ERC2: variants seen among roughly 807,000 people sequenced by gnomAD.
The protein encoded by ERC2 is ERC protein 2.
Under a neutral mutation model 114.8 loss-of-function variants are expected in ERC2, and 42 were observed. That is an observed-to-expected ratio of 0.37 (90% CI 0.29 to 0.47). The LOEUF (loss-of-function observed/expected upper bound fraction) is 0.47, where lower values mean the gene tolerates loss of function less well. Ranked by LOEUF, ERC2 falls within the 20% of genes least tolerant of loss-of-function variation. The pLI is 0.99. For missense variants in ERC2, 939 were observed against 1,150.7 expected (o/e 0.82, Z 2.66); for synonymous variants, 454 against 425.5 (o/e 1.07, Z -0.82).
chr3:55,775,664 A>G (rs1448980991), intron 14 of ERC2, among the ~76,000 whole-genome samples: 2 of 152,182 alleles, frequency 1.3e-5, no homozygotes, highest in Non-Finnish European at 2.9e-5. Context: ...GAGATAGATA[A>G]TATGAACAAA....
chr3:56,145,985 C>T (rs903683867), intron 5 of ERC2, among the ~76,000 whole-genome samples: 2 of 152,100 alleles, frequency 1.3e-5, no homozygotes, highest in South Asian at 2.1e-4. Context: ...GAATCACACT[C>T]ATCACTCAAA....
chr3:55,748,379 G>A (rs1181459219), intron 14 of ERC2, among the ~76,000 whole-genome samples: 3 of 152,088 alleles, frequency 2.0e-5, no homozygotes, highest in Non-Finnish European at 2.9e-5. Flanking sequence ...TGTGTACCAC[G>A]TACCAGGGAT....
At chr3:55,958,719 C>A (rs79705321) in intron 12 of ERC2, among the ~76,000 whole-genome samples, 10 of 152,230 alleles carry the variant, frequency 6.6e-5, no homozygotes, top group Admixed American at 2.0e-4. Flanking sequence ...CCTGAGCATG[C>A]GCGCACCTGG....
At chr3:56,133,327 G>C (rs1472362168) in intron 6 of ERC2, among the ~76,000 whole-genome samples, 1 of 151,976 alleles carries the variant, frequency 6.6e-6, no homozygotes, top group Non-Finnish European at 1.5e-5. Context: ...ATCCCAGTTA[G>C]TTGGGAGGCT....
chr3:56,319,410 G>A (rs192381783), intron 2 of ERC2, among the ~76,000 whole-genome samples: 60 of 152,092 alleles, frequency 3.9e-4, no homozygotes, highest in African/African-American at 1.3e-3. Context: ...CAAACATTAC[G>A]TGATTCCACT....
At chr3:56,396,937 A>G (rs2060330105) in intron 2 of ERC2, among the ~76,000 whole-genome samples, 3 of 151,730 alleles carry the variant, frequency 2.0e-5, no homozygotes, top group Non-Finnish European at 2.9e-5. Context: ...TCCTTTCTCT[A>G]CTCTCAAACT....
At chr3:56,319,331 G>C (rs1359808441) in intron 2 of ERC2, among the ~76,000 whole-genome samples, 1 of 151,642 alleles carries the variant, frequency 6.6e-6, no homozygotes, top group Admixed American at 6.6e-5. Flanking sequence ...AGAAAATTCT[G>C]CCATATGCCA....
At chr3:56,414,804 C>A (rs914568684) in intron 2 of ERC2, among the ~76,000 whole-genome samples, 2 of 152,084 alleles carry the variant, frequency 1.3e-5, no homozygotes, top group South Asian at 2.1e-4. Flanking sequence ...GTCTCTCCCC[C>A]CAGGTACAGA....
chr3:55,827,126 A>G (rs2060356642), intron 14 of ERC2, among the ~76,000 whole-genome samples: 1 of 152,198 alleles, frequency 6.6e-6, no homozygotes, highest in South Asian at 2.1e-4. Flanking sequence ...AGTAAGGAGC[A>G]TTCTTTCGGT....
intron 2 of ERC2, among the ~76,000 whole-genome samples, chr3:56,430,719 G>A (rs1415621517): frequency 1.3e-5 from 2 of 152,140 alleles, no homozygotes; most frequent in Non-Finnish European, 2.9e-5. Context: ...AGCCCAGGAG[G>A]TCAAGGCTGC....
intron 3 of ERC2, among the ~76,000 whole-genome samples, chr3:56,190,554 C>T (rs1243391644): frequency 6.6e-6 from 1 of 152,182 alleles, no homozygotes; most frequent in African/African-American, 2.4e-5. Context: ...CCCACCTCAG[C>T]CTCCCAAGTA....
At chr3:55,517,091 A>G (rs2052564697) in intron 17 of ERC2, among the ~76,000 whole-genome samples, 1 of 152,040 alleles carries the variant, frequency 6.6e-6, no homozygotes, top group Non-Finnish European at 1.5e-5. Flanking sequence ...TACTTTTCCC[A>G]TTTTTGTAAC....
At chr3:55,627,208 C>T (rs937262334) in intron 17 of ERC2, among the ~76,000 whole-genome samples, 2 of 152,220 alleles carry the variant, frequency 1.3e-5, no homozygotes, top group Non-Finnish European at 2.9e-5. Context: ...TGGCTCACGC[C>T]TGTAATCCCA....
At chr3:55,822,534 T>C (rs2060166341) in intron 14 of ERC2, among the ~76,000 whole-genome samples, 1 of 152,080 alleles carries the variant, frequency 6.6e-6, no homozygotes, top group African/African-American at 2.4e-5. Context: ...AGCTGGACTG[T>C]TCTGACTTAC....
At chr3:55,743,593 C>CAAAAAAAAAAAAAAAAAAA (rs367859231) in intron 14 of ERC2, among the ~76,000 whole-genome samples, 12 of 97,188 alleles carry the variant, frequency 1.2e-4, no homozygotes, top group East Asian at 3.0e-4. Context: ...CCTGATCCAC[C>CAAAAAAAAAAAAAAAAAAA]AAAAAAAAAA....
At chr3:55,720,908 C>T (rs1044525268) in intron 15 of ERC2, among the ~76,000 whole-genome samples, 2 of 152,134 alleles carry the variant, frequency 1.3e-5, no homozygotes, top group African/African-American at 2.4e-5. Flanking sequence ...GTTTTAAAGA[C>T]CTTGCCCCAG....
chr3:56,037,883 T>C (rs1263751153), intron 7 of ERC2, among the ~76,000 whole-genome samples: 4 of 151,962 alleles, frequency 2.6e-5, no homozygotes, highest in Non-Finnish European at 4.4e-5. Flanking sequence ...CCAGAAGAGA[T>C]TGGGGGCCAA....
At chr3:55,662,074 T>C (rs550553283) in intron 17 of ERC2, among the ~76,000 whole-genome samples, 2 of 152,330 alleles carry the variant, frequency 1.3e-5, no homozygotes, top group Admixed American at 6.5e-5. Context: ...GGGAGGACTC[T>C]TGGGGGCAAT....
At chr3:56,220,533 G>A (rs4974184) in intron 3 of ERC2, among the ~76,000 whole-genome samples, 69,010 of 151,978 alleles carry the variant, frequency 0.45, 16,122 homozygotes, top group East Asian at 0.71. Flanking sequence ...GTCGACTCAC[G>A]GCCCAAAGCA....
Sources: gnomAD v4.1 joint callset for allele counts (sites outside exome capture counted in the v4.1 genomes callset) on GRCh38, gnomAD v4.1.1 for gene constraint, MANE v1.5 for transcripts, NCBI Gene and HGNC (gene_info 2026-07-23, HGNC 2026-07-21) for gene names.